TMEM114: variants seen among roughly 807,000 people sequenced by gnomAD.
TMEM114 encodes the protein claudin-26.
In TMEM114, 6 loss-of-function variants were observed where a neutral mutation model predicts 6.2. That is an observed-to-expected ratio of 0.97 (90% CI 0.53 to 1.91). The LOEUF is 1.91. Among genes scored for constraint, TMEM114 ranks in the 40% most tolerant of loss-of-function variants. The pLI is 0.01. For missense variants in TMEM114, 218 were observed against 158.3 expected, an observed-to-expected ratio of 1.38 and a Z score of -2.02; for synonymous variants, 104 against 73.0, an observed-to-expected ratio of 1.42 and a Z score of -2.16.
rs935832275 is a variant in TMEM114, at chr16:8,569,529, C to G, written c.*244G>C. 4.3e-6 allele frequency: 6 copies of G among 1,392,630 alleles called. No individual in the cohort carries two copies. Among genetic ancestry groups the G allele is most frequent in the Non-Finnish European group, 5.6e-6 (6 of 1,075,286 alleles). The allele number at this position is 1,392,630 out of a possible 1,614,324, so 86.3% of individuals were successfully genotyped here. ...ATTAAAGGATCGTTTTTATTTCTCG[C>G]GAAGCGGTTTGGCACTCCCTCGGGC... On this transcript the variant is annotated 3_prime_UTR_variant, in exon 4 of 4. Transcript: ENST00000620492.
At chr16:8,540,071 G>C (rs755294559) in intron 2 of TMEM114, among the ~76,000 whole-genome samples, 1 of 152,058 alleles carries the variant, frequency 6.6e-6, no homozygotes, top group Non-Finnish European at 1.5e-5. Flanking sequence ...TGATCCACCC[G>C]CCTCAGCCTC....
At chr16:8,583,128 T>C (rs561155969) in intron 2 of TMEM114, among the ~76,000 whole-genome samples, 1 of 152,306 alleles carries the variant, frequency 6.6e-6, no homozygotes, top group South Asian at 2.1e-4. Context: ...GAAGATTAAA[T>C]GAGTAGATAC....
chr16:8,571,806 G>C (rs1474069349), intron 3 of TMEM114, among the ~76,000 whole-genome samples: 1 of 152,214 alleles, frequency 6.6e-6, no homozygotes, highest in Middle Eastern at 3.2e-3. Flanking sequence ...AAAGCTTGAA[G>C]CTATCACGAG....
downstream of TMEM114, among the ~76,000 whole-genome samples, chr16:8,568,094 G>A (rs748504384): frequency 6.6e-6 from 1 of 152,120 alleles, no homozygotes; most frequent in Non-Finnish European, 1.5e-5. Flanking sequence ...TCCCAGTTGC[G>A]TCCCTTTCTC....
chr16:8,583,188 G>C (rs1241169379), intron 2 of TMEM114, among the ~76,000 whole-genome samples: 3 of 152,222 alleles, frequency 2.0e-5, no homozygotes, highest in African/African-American at 7.2e-5. Context: ...GTCTCATCAT[G>C]TTCTACACCA....
At chr16:8,553,140 T>G (rs1190133541) in intron 2 of TMEM114, among the ~76,000 whole-genome samples, 1 of 152,124 alleles carries the variant, frequency 6.6e-6, no homozygotes, top group Admixed American at 6.5e-5. Context: ...AGCACAAGAG[T>G]GCCGATCGCA....
downstream of TMEM114, among the ~76,000 whole-genome samples, chr16:8,568,680 C>G (rs923628788): frequency 6.6e-6 from 1 of 152,210 alleles, no homozygotes; most frequent in Non-Finnish European, 1.5e-5. Context: ...CCCAGAGTTT[C>G]CTAAGCCAAA....
At chr16:8,548,261 C>A (rs566736483) in intron 2 of TMEM114, among the ~76,000 whole-genome samples, 2 of 152,238 alleles carry the variant, frequency 1.3e-5, no homozygotes, top group African/African-American at 4.8e-5. Context: ...GAGTTCCTGC[C>A]TCTCAGGGTT....
At chr16:8,569,244 C>A (rs1901638265), downstream of TMEM114, among the ~76,000 whole-genome samples, 1 of 152,156 alleles carries the variant, frequency 6.6e-6, no homozygotes, top group Admixed American at 6.5e-5. Context: ...TGGCCAACCC[C>A]TTGGGAGTCT....
chr16:8,553,112 G>T (rs1039035452), intron 2 of TMEM114, among the ~76,000 whole-genome samples: 2 of 152,230 alleles, frequency 1.3e-5, no homozygotes, highest in Non-Finnish European at 2.9e-5. Context: ...GAAGAGGCCA[G>T]GATGGAGATG....
rs771529919 is a variant in TMEM114, at chr16:8,572,153, AC to A, written c.372del (p.Leu126Ter). 1.5e-5 allele frequency: 23 copies of A among 1,551,428 alleles called. No individual in the cohort carries two copies. In the South Asian group the frequency reaches 2.6e-4, roughly 18 times the overall value. ...LILMVFGGMT[G>X]FLSFLLQAYL... ...TAGGCTTGGAGGAGGAAGCTCAGAAACCCCGTCATCCCCCCAAAAACCATCA... is the reference window on the plus strand; with the variant it reads ...TAGGCTTGGAGGAGGAAGCTCAGAAACCCGTCATCCCCCCAAAAACCATCA... On this transcript the variant is annotated frameshift_variant, in exon 3 of 4. Coordinates refer to ENST00000620492, the MANE Select transcript of TMEM114 (RefSeq NM_001146336.2). LOFTEE classifies it high-confidence loss of function.
chr16:8,542,187 C>T (rs1411705576), intron 2 of TMEM114, among the ~76,000 whole-genome samples: 1 of 152,126 alleles, frequency 6.6e-6, no homozygotes, highest in African/African-American at 2.4e-5. Context: ...CCAGGTACCC[C>T]TCTACTTCCT....
chr16:8,582,559 A>G (rs1009233307), intron 2 of TMEM114, among the ~76,000 whole-genome samples: 2 of 152,188 alleles, frequency 1.3e-5, no homozygotes, highest in African/African-American at 4.8e-5. Flanking sequence ...CACTGAAACT[A>G]TACTCAGAGT....
At chr16:8,578,370 G>C (rs1365168210) in intron 2 of TMEM114, among the ~76,000 whole-genome samples, 1 of 152,090 alleles carries the variant, frequency 6.6e-6, no homozygotes. Context: ...AATCTGTGAT[G>C]CTCCCTGGCT....
intron 2 of TMEM114, among the ~76,000 whole-genome samples, chr16:8,586,144 C>T (rs1902312502): frequency 6.6e-6 from 1 of 152,192 alleles, no homozygotes; most frequent in African/African-American, 2.4e-5. Context: ...ATCAGCACTC[C>T]ATTGATGTTA....
At chr16:8,533,352 A>G (rs533162083), downstream of TMEM114, among the ~76,000 whole-genome samples, 96 of 152,212 alleles carry the variant, frequency 6.3e-4, no homozygotes, top group Non-Finnish European at 1.2e-3. Context: ...CTGGGAAGAG[A>G]GAGGAGCAAG....
In TMEM114 at chr16:8,585,431, C is replaced by G. The variant is rs80144678; in HGVS notation, c.301+3782G>C. On this transcript the variant is annotated intron_variant, in intron 2 of 3. Coordinates refer to ENST00000620492, the MANE Select transcript of TMEM114 (RefSeq NM_001146336.2). The stretch of plus-strand genomic sequence containing the variant: ...TTTCTTAGAGGAAAAATCAAGGTTT[C>G]TTCCCATACACCCCCACCAGGATTT... 4.6e-3 allele frequency among the ~76,000 whole-genome samples: 699 copies of G among 152,166 alleles called. 4 individuals are homozygous for G. Among genetic ancestry groups the G allele is most frequent in the Non-Finnish European group, 8.5e-3 (581 of 68,010 alleles).
chr16:8,549,912 G>A (rs1900788664), intron 2 of TMEM114, among the ~76,000 whole-genome samples: 1 of 152,202 alleles, frequency 6.6e-6, no homozygotes, highest in South Asian at 2.1e-4. Flanking sequence ...TGCAAGCTGA[G>A]GGGTAAGGAA....
chr16:8,561,659 GA>G (rs1273452444), intron 2 of TMEM114, among the ~76,000 whole-genome samples: 9 of 152,210 alleles, frequency 5.9e-5, no homozygotes, highest in Admixed American at 1.3e-4. Flanking sequence ...GTGAATAAGT[GA>G]ATGAATGAGT....
Sources: allele counts gnomAD v4.1 joint callset (sites outside exome capture counted in the v4.1 genomes callset), GRCh38; gene constraint gnomAD v4.1.1; transcripts MANE v1.5; gene names NCBI Gene and HGNC (gene_info 2026-07-23, HGNC 2026-07-21).